Variants in PALLD observed in about 807,000 individuals in gnomAD.
PALLD encodes the protein palladin.
Under a neutral mutation model 123.5 loss-of-function variants are expected in PALLD, and 61 were observed. The observed-to-expected ratio is 0.49, with a 90% CI of 0.40 to 0.61. The LOEUF is 0.61. Ranked by LOEUF, PALLD falls within the 20% of genes least tolerant of loss-of-function variation. The pLI is 0.00. For missense variants in PALLD, 1,273 were observed against 1,377.0 expected, an observed-to-expected ratio of 0.92 and a Z score of 1.20; for synonymous variants, 465 against 496.4, an observed-to-expected ratio of 0.94 and a Z score of 0.84.
Position 168,682,942 on chromosome 4 carries a change from C to CA in PALLD, c.1155-49dup, listed in dbSNP as rs201501519. 1,181 of 902,770 alleles carry CA rather than the reference C, an allele frequency of 1.3e-3. 5 individuals carry two copies. The African/African-American group carries it at 0.019, about 15-fold the overall frequency. 55.9% of individuals were successfully genotyped at this position (902,770 alleles called of 1,614,324 possible). A position where few individuals can be genotyped will look rare whatever the true frequency, so the allele number is the denominator to read the frequency against. On this transcript the variant is annotated intron_variant, in intron 4 of 21. Transcript: ENST00000505667. The stretch of plus-strand genomic sequence containing the variant: ...AATTATTTCTGCTAAAAAAAAAAAA[C>CA]AAAAAAACGAAAACAAAAAATATTC...
intron 8 of PALLD, among the ~76,000 whole-genome samples, chr4:168,698,390 GA>G (rs1783357504): frequency 6.6e-6 from 1 of 151,774 alleles, no homozygotes; most frequent in South Asian, 2.1e-4. Flanking sequence ...TAATTGGATT[GA>G]ATAACTAAAA....
At chr4:168,692,955 A>G (rs540468246) in intron 8 of PALLD, among the ~76,000 whole-genome samples, 47 of 152,354 alleles carry the variant, frequency 3.1e-4, no homozygotes, top group Middle Eastern at 6.8e-3. Flanking sequence ...AGTTTTCAGT[A>G]TGTGTATATT....
chr4:168,621,645 G>T (rs1159713548), intron 2 of PALLD, among the ~76,000 whole-genome samples: 1 of 152,146 alleles, frequency 6.6e-6, no homozygotes, highest in South Asian at 2.1e-4. Flanking sequence ...GTTTTGGTAT[G>T]TAAGTCCCTC....
intron 2 of PALLD, among the ~76,000 whole-genome samples, chr4:168,623,527 G>C (rs545416664): frequency 1.3e-5 from 2 of 152,292 alleles, no homozygotes; most frequent in Admixed American, 1.3e-4. Flanking sequence ...CTATCTCCAT[G>C]GTTTAGCAAT....
At chr4:168,728,950 G>A (rs1344208569) in intron 10 of PALLD, among the ~76,000 whole-genome samples, 1 of 151,990 alleles carries the variant, frequency 6.6e-6, no homozygotes, top group African/African-American at 2.4e-5. Flanking sequence ...GATTGCTCTG[G>A]CTAGGACATC....
intron 2 of PALLD, among the ~76,000 whole-genome samples, chr4:168,533,907 G>A (rs371778535): frequency 4.6e-5 from 7 of 152,198 alleles, no homozygotes; most frequent in East Asian, 3.8e-4. Context: ...ACGAAGACAA[G>A]AAGGAAGAGT....
At chr4:168,803,034 G>A (rs1739583421) in intron 10 of PALLD, among the ~76,000 whole-genome samples, 2 of 152,178 alleles carry the variant, frequency 1.3e-5, no homozygotes, top group Admixed American at 6.5e-5. Flanking sequence ...AATAATAGGT[G>A]AATAGCAGCC....
At chr4:168,673,891 TGTG>T (rs879791221) in intron 3 of PALLD, among the ~76,000 whole-genome samples, 6,461 of 82,484 alleles carry the variant, frequency 0.078, 146 homozygotes, top group African/African-American at 0.24. Flanking sequence ...GAACGTGCTG[TGTG>T]TGTGTGTGTG....
At chr4:168,556,339 C>A (rs1767304170) in intron 2 of PALLD, among the ~76,000 whole-genome samples, 1 of 152,146 alleles carries the variant, frequency 6.6e-6, no homozygotes, top group Non-Finnish European at 1.5e-5. Flanking sequence ...TCGTGATCCG[C>A]CCGCCTCTGC....
In PALLD at chr4:168,844,799, A is replaced by T. The variant is rs1746564943; in HGVS notation, c.1965-46123A>T. On this transcript the variant is annotated intron_variant, in intron 10 of 21. Coordinates refer to ENST00000505667, the MANE Select transcript of PALLD (RefSeq NM_001166108.2). The surrounding 1 kb of genome is among the most constrained non-coding windows in gnomAD (Gnocchi z 4.5). ...CTAGCAGACACATCCAGTATCATTT[A>T]TTCAGCAAACATGTACTGAGTTTGT... 1 of 152,244 alleles carries T rather than the reference A, an allele frequency of 6.6e-6. No individual in the cohort carries two copies. The highest frequency in any genetic ancestry group is 1.5e-5 in the Non-Finnish European group (1 of 68,056). The allele number at this position is 152,244 out of a possible 1,614,324, so 9.4% of individuals were successfully genotyped here.
At chr4:168,769,978 A>C (rs1734176518) in intron 10 of PALLD, among the ~76,000 whole-genome samples, 1 of 152,220 alleles carries the variant, frequency 6.6e-6, no homozygotes, top group African/African-American at 2.4e-5. Context: ...ATCCATACCA[A>C]GCACAGGCAG....
intron 3 of PALLD, 23 bp downstream of exon 3, chr4:168,668,391 G>T: frequency 1.3e-6 from 2 of 1,565,556 alleles, no homozygotes; most frequent in Non-Finnish European, 1.7e-6. Context: ...GCCTGGTAAT[G>T]GGGGATAAAG....
rs1160790284 is a variant in PALLD at position 168,665,912 on chromosome 4, A to G, written c.909-2278A>G. Among the ~76,000 whole-genome samples the G allele has an allele frequency of 2.0e-5, 3 of 152,144 alleles. No homozygotes were observed. In the East Asian group the frequency reaches 5.8e-4, roughly 29 times the overall value. ...TTGCAACTACTACTTGACTCTGACT[A>G]TAATGCAAAAGCAGACATAGACAAC... On this transcript the variant is annotated intron_variant, in intron 2 of 21. Coordinates refer to ENST00000505667, the MANE Select transcript of PALLD (RefSeq NM_001166108.2).
intron 6 of PALLD, among the ~76,000 whole-genome samples, chr4:168,685,923 G>A (rs1252671577): frequency 2.6e-5 from 4 of 151,882 alleles, no homozygotes; most frequent in South Asian, 4.2e-4. Context: ...TCCTGAGTCC[G>A]GAATTTGCAT....
intron 2 of PALLD, among the ~76,000 whole-genome samples, chr4:168,633,880 A>G (rs886448256): frequency 6.6e-6 from 1 of 152,248 alleles, no homozygotes; most frequent in Non-Finnish European, 1.5e-5. Context: ...TGAGGTGCCT[A>G]AAGGGACATC....
intron 10 of PALLD, among the ~76,000 whole-genome samples, chr4:168,727,161 A>T (rs929316399): frequency 6.6e-6 from 1 of 152,196 alleles, no homozygotes; most frequent in African/African-American, 2.4e-5. Context: ...TGTCTTTGCT[A>T]CTATGAATAG....
intron 2 of PALLD, among the ~76,000 whole-genome samples, chr4:168,600,090 T>TAC (rs1227290962): frequency 9.3e-6 from 1 of 107,042 alleles, no homozygotes; most frequent in African/African-American, 2.9e-5. Flanking sequence ...CATATATACA[T>TAC]GCATGTGTAT....
intron 10 of PALLD, among the ~76,000 whole-genome samples, chr4:168,755,243 A>G (rs1335882519): frequency 6.6e-6 from 1 of 152,056 alleles, no homozygotes; most frequent in Non-Finnish European, 1.5e-5. Flanking sequence ...AAAAAAAAAA[A>G]AAAAAAAAGG....
Position 168,803,766 on chromosome 4 carries a change from G to A in PALLD, c.1965-87156G>A, listed in dbSNP as rs886505155. Among the ~76,000 whole-genome samples, 136 of 152,196 alleles carry A rather than the reference G, an allele frequency of 8.9e-4. 1 individual carries two copies. The highest frequency in any genetic ancestry group is 1.8e-3 in the Non-Finnish European group (123 of 68,026). ...TGGCTCTCTCATGCGCAGTAACCGT[G>A]AGGGTTTAAAGGACAGTGCCAGGGC... On this transcript the variant is annotated intron_variant, in intron 10 of 21. Transcript: ENST00000505667.
Sources: gnomAD v4.1 joint callset for allele counts (sites outside exome capture counted in the v4.1 genomes callset) on GRCh38, gnomAD v4.1.1 for gene constraint, Gnocchi (gnomAD v3.1) non-coding constraint, MANE v1.5 for transcripts, NCBI Gene and HGNC (gene_info 2026-07-23, HGNC 2026-07-21) for gene names.